Variants in CDH22 observed in about 807,000 individuals in gnomAD.
CDH22 encodes the protein cadherin-22.
CDH22 carries 30 observed loss-of-function variants against 58.4 expected under a neutral mutation model. The ratio of observed to expected loss-of-function variants is 0.51; its 90% CI spans 0.38 to 0.70. The LOEUF (loss-of-function observed/expected upper bound fraction) is 0.70. Ranked by LOEUF, CDH22 falls within the 30% of genes least tolerant of loss-of-function variation. The pLI is 0.00. For synonymous variants in CDH22, 513 were observed against 558.2 expected, an observed-to-expected ratio of 0.92 and a Z score of 1.14; for missense variants, 1,014 against 1,233.9, an observed-to-expected ratio of 0.82 and a Z score of 2.67.
intron 1 of CDH22, among the ~76,000 whole-genome samples, chr20:46,266,635 C>T (rs1229355780): frequency 2.0e-5 from 3 of 152,112 alleles, no homozygotes; most frequent in Non-Finnish European, 1.5e-5. Flanking sequence ...AGAATCTGTC[C>T]CTTTGTGGTA....
At chr20:46,278,603 G>T (rs1293759417) in intron 1 of CDH22, among the ~76,000 whole-genome samples, 2 of 151,420 alleles carry the variant, frequency 1.3e-5, no homozygotes, top group East Asian at 1.9e-4. Context: ...TATTTTTTTT[G>T]AGACAGGGTC....
At chr20:46,289,353 T>C (rs2086590258) in intron 1 of CDH22, among the ~76,000 whole-genome samples, 1 of 152,232 alleles carries the variant, frequency 6.6e-6, no homozygotes, top group Non-Finnish European at 1.5e-5. Flanking sequence ...CACTATCTGA[T>C]ATATTATAAA....
intron 2 of CDH22, among the ~76,000 whole-genome samples, chr20:46,248,070 T>C (rs2145734229): frequency 6.6e-6 from 1 of 152,266 alleles, no homozygotes; most frequent in Non-Finnish European, 1.5e-5. Context: ...CCTGGTTTCT[T>C]GGGTTGGTTC....
chr20:46,174,914 G>C lies in CDH22; in HGVS notation c.2079C>G (p.Asp693Glu). The change falls in exon 12 of 12, where the codon GAC (aspartate) becomes GAG (glutamate). Residue 693 changes from aspartate to glutamate, a missense_variant. Asp to Glu is a conservative substitution (Grantham distance 45). Coordinates refer to ENST00000537909, the MANE Select transcript of CDH22 (RefSeq NM_021248.3). This position sits in a 1 kb window ranked among gnomAD's most constrained non-coding sequence, Gnocchi z 4.4. ...CGTCGCCGCCCTTGAGCTCGCCGAA[G>C]TCGTAGAGGCTCCGCAGCGCCGACA... ...YDMSALRSLY[D>E]FGELKGGDGG... 1 of 1,481,478 alleles carries C rather than the reference G, an allele frequency of 6.8e-7. No homozygotes were observed. Among genetic ancestry groups the C allele is most frequent in the Non-Finnish European group, 9.0e-7 (1 of 1,110,850 alleles). The allele number at this position is 1,481,478 out of a possible 1,614,324, so 91.8% of individuals were successfully genotyped here.
At chr20:46,294,372 T>A (rs2086619389) in intron 1 of CDH22, among the ~76,000 whole-genome samples, 1 of 152,120 alleles carries the variant, frequency 6.6e-6, no homozygotes. Flanking sequence ...CAACCTCCTC[T>A]TTCTTCCTCC....
intron 5 of CDH22, 78 bp from the exon 6 acceptor site, chr20:46,213,266 G>A (rs916205071): frequency 2.9e-6 from 3 of 1,041,104 alleles, no homozygotes; most frequent in Non-Finnish European, 2.9e-6. Context: ...GAGGGGACAA[G>A]GGGGCCCAGG....
chr20:46,174,554 G>A lies in CDH22; in HGVS notation c.2439C>T (p.Ala813=), dbSNP rs79797488. 1,398 of 1,525,546 alleles carry A rather than the reference G, an allele frequency of 9.2e-4. 19 individuals are homozygous for A. The African/African-American group carries it at 0.017, about 18-fold the overall frequency. The allele number at this position is 1,525,546 out of a possible 1,614,324, so 94.5% of individuals were successfully genotyped here. ...SSWGPRFRPL[A]ALYAGHRGDD... ...CCCCGCGGTGGCCGGCGTAGAGCGCGGCCAGGGGCCGGAAGCGCGGACCCC... is the reference window on the plus strand; with the variant it reads ...CCCCGCGGTGGCCGGCGTAGAGCGCAGCCAGGGGCCGGAAGCGCGGACCCC... The change falls in exon 12 of 12, where the codon GCC becomes GCT. Residue 813 remains alanine (A), a synonymous_variant. Transcript: ENST00000537909. The surrounding 1 kb of genome is among the most constrained non-coding windows in gnomAD (Gnocchi z 4.4).
chr20:46,291,545 T>C (rs548549422), intron 1 of CDH22, among the ~76,000 whole-genome samples: 6 of 152,174 alleles, frequency 3.9e-5, no homozygotes, highest in Non-Finnish European at 8.8e-5. Context: ...GCTTCTGTTT[T>C]CCATTTGCTT....
chr20:46,267,330 A>C (rs2086465736), intron 1 of CDH22, among the ~76,000 whole-genome samples: 1 of 152,224 alleles, frequency 6.6e-6, no homozygotes. Flanking sequence ...GCCAACTGCT[A>C]CATGTTTTCA....
intron 7 of CDH22, among the ~76,000 whole-genome samples, chr20:46,200,981 T>C (rs944331516): frequency 6.6e-6 from 1 of 152,178 alleles, no homozygotes; most frequent in Admixed American, 6.5e-5. Flanking sequence ...AATCTGCAGC[T>C]TTTCCGTTGC....
intron 7 of CDH22, among the ~76,000 whole-genome samples, chr20:46,206,189 A>G (rs967267424): frequency 1.3e-5 from 2 of 152,186 alleles, no homozygotes; most frequent in Non-Finnish European, 2.9e-5. Flanking sequence ...ACTAACCACA[A>G]GGAGAGTAAG....
At chr20:46,222,586 C>A (rs1444509918) in intron 4 of CDH22, among the ~76,000 whole-genome samples, 3 of 152,216 alleles carry the variant, frequency 2.0e-5, no homozygotes, top group Admixed American at 2.0e-4. Flanking sequence ...TGGGCGGGGG[C>A]TGGTAATTAT....
At chr20:46,307,063 G>A (rs2086681026) in intron 1 of CDH22, among the ~76,000 whole-genome samples, 5 of 152,182 alleles carry the variant, frequency 3.3e-5, no homozygotes. Flanking sequence ...GGGGCACCTC[G>A]GCCAGCCCCA....
chr20:46,239,076 G>A (rs2086273105), intron 3 of CDH22, among the ~76,000 whole-genome samples: 1 of 152,122 alleles, frequency 6.6e-6, no homozygotes, highest in South Asian at 2.1e-4. Context: ...ACTTCCTCCA[G>A]GTCTTCAGAG....
chr20:46,281,500 C>T lies in CDH22; in HGVS notation c.-400+26755G>A, dbSNP rs151291376. ...GATACTCTCTTGTCCTTGTCGACAG[C>T]TTTTCTTGGGCATATAACATCCTGC... On this transcript the variant is annotated intron_variant, in intron 1 of 11. Coordinates refer to ENST00000537909, the MANE Select transcript of CDH22 (RefSeq NM_021248.3). Among the ~76,000 whole-genome samples, 8 of 152,318 alleles carry T rather than the reference C, an allele frequency of 5.3e-5. No homozygotes were observed. The East Asian group carries it at 1.5e-3, about 29-fold the overall frequency.
intron 1 of CDH22, among the ~76,000 whole-genome samples, chr20:46,292,080 G>A (rs919957297): frequency 6.6e-5 from 10 of 152,228 alleles, no homozygotes; most frequent in African/African-American, 2.2e-4. Context: ...CTATGACATA[G>A]TGGATCATGG....
chr20:46,247,236 G>A (rs1600715363), intron 2 of CDH22, among the ~76,000 whole-genome samples: 1 of 152,290 alleles, frequency 6.6e-6, no homozygotes. Context: ...GACCCAGAGA[G>A]TATTCTAGGT....
At chr20:46,242,210 AT>A (rs1179636259) in intron 2 of CDH22, among the ~76,000 whole-genome samples, 2 of 151,864 alleles carry the variant, frequency 1.3e-5, no homozygotes, top group South Asian at 2.1e-4. Context: ...TATTTTACAG[AT>A]TTTTTTCCCA....
intron 11 of CDH22, among the ~76,000 whole-genome samples, chr20:46,176,390 C>G (rs757177355): frequency 3.8e-4 from 58 of 152,164 alleles, no homozygotes; most frequent in Non-Finnish European, 6.5e-4. Context: ...TTCCCCCTTC[C>G]CCACCCCGAG....
Sources: gnomAD v4.1 joint callset for allele counts (sites outside exome capture counted in the v4.1 genomes callset) on GRCh38, gnomAD v4.1.1 for gene constraint, Gnocchi (gnomAD v3.1) non-coding constraint, MANE v1.5 for transcripts, NCBI Gene and HGNC (gene_info 2026-07-23, HGNC 2026-07-21) for gene names.